Variants in RNF130 observed in about 807,000 individuals in gnomAD.
RNF130 encodes the protein E3 ubiquitin-protein ligase RNF130.
A neutral mutation model predicts 44.6 loss-of-function variants in RNF130; 21 were observed. The ratio of observed to expected loss-of-function variants is 0.47; its 90% CI spans 0.33 to 0.68. RNF130 has a LOEUF of 0.68. Among genes scored for constraint, RNF130 ranks in the 30% least tolerant of loss-of-function variants. The pLI is 0.02. For synonymous variants in RNF130, 214 were observed against 210.4 expected (o/e 1.02, Z -0.15); for missense variants, 479 against 560.6 (o/e 0.85, Z 1.47).
chr5:180,035,143 T>C (rs1211671108), intron 2 of RNF130, among the ~76,000 whole-genome samples: 1 of 152,198 alleles, frequency 6.6e-6, no homozygotes, highest in Admixed American at 6.5e-5. Flanking sequence ...AAAAGTATCT[T>C]TGTTTACTGA....
intron 8 of RNF130, among the ~76,000 whole-genome samples, chr5:179,957,934 G>A (rs1303506403): frequency 2.0e-5 from 3 of 150,740 alleles, no homozygotes; most frequent in Non-Finnish European, 3.0e-5. Flanking sequence ...CTGGAGTGCA[G>A]TGGCGGGATC....
intron 1 of RNF130, among the ~76,000 whole-genome samples, chr5:180,047,770 C>A (rs1383772491): frequency 6.6e-6 from 1 of 152,106 alleles, no homozygotes; most frequent in Non-Finnish European, 1.5e-5. Flanking sequence ...AAATCTCAGG[C>A]CACTCTTTGT....
intron 5 of RNF130, among the ~76,000 whole-genome samples, chr5:179,973,974 C>T (rs1762648184): frequency 6.6e-6 from 1 of 152,164 alleles, no homozygotes; most frequent in Non-Finnish European, 1.5e-5. Flanking sequence ...ATTCAGCGCC[C>T]TCCCCTTTCC....
chr5:180,014,229 T>C (rs1446563667), intron 2 of RNF130, among the ~76,000 whole-genome samples: 3 of 152,224 alleles, frequency 2.0e-5, no homozygotes, highest in African/African-American at 7.2e-5. Flanking sequence ...AGTGAAGGAA[T>C]TGAATACCTC....
intron 7 of RNF130, among the ~76,000 whole-genome samples, chr5:179,927,886 G>C (rs551338880): frequency 2.0e-5 from 3 of 151,998 alleles, no homozygotes; most frequent in Admixed American, 1.3e-4. Flanking sequence ...CACCATGCCC[G>C]GCCTAGCTTT....
exon 8 of RNF130, chr5:179,912,150 T>C (rs751192138): frequency 2.0e-5 from 3 of 152,180 alleles, no homozygotes; most frequent in Non-Finnish European, 1.5e-5. Flanking sequence ...ATGTTGTGCA[T>C]AGTGAGCAGG....
intron 3 of RNF130, among the ~76,000 whole-genome samples, chr5:180,009,450 T>G (rs1033324858): frequency 6.6e-6 from 1 of 152,188 alleles, no homozygotes; most frequent in African/African-American, 2.4e-5. Context: ...GAATGGATAT[T>G]TCACTGAAGA....
At chr5:179,960,341 A>G (rs1762299035) in intron 8 of RNF130, among the ~76,000 whole-genome samples, 1 of 152,258 alleles carries the variant, frequency 6.6e-6, no homozygotes, top group African/African-American at 2.4e-5. Context: ...CAGTGTTAAA[A>G]AAATTTAATG....
chr5:180,020,063 G>A (rs1763837233), intron 2 of RNF130, among the ~76,000 whole-genome samples: 1 of 152,198 alleles, frequency 6.6e-6, no homozygotes, highest in Admixed American at 6.5e-5. Flanking sequence ...GACAGGAAGA[G>A]AGGGGGAGAA....
chr5:179,966,707 G>C (rs1327663267), intron 7 of RNF130, 99 bp downstream of exon 7: 2 of 990,846 alleles, frequency 2.0e-6, no homozygotes, highest in South Asian at 2.9e-5. Flanking sequence ...GTTACAGTCT[G>C]TGTTGCAGGC....
intron 7 of RNF130, among the ~76,000 whole-genome samples, chr5:179,965,110 C>T (rs1484171467): frequency 6.6e-6 from 1 of 152,210 alleles, no homozygotes; most frequent in Non-Finnish European, 1.5e-5. Flanking sequence ...AATTCTGAGT[C>T]TACCATCCCG....
intron 3 of RNF130, 35 bp downstream of exon 3, chr5:180,013,026 G>C (rs776923341): frequency 6.3e-7 from 1 of 1,590,142 alleles, no homozygotes; most frequent in African/African-American, 1.3e-5. Context: ...AACTCTGGCT[G>C]TTACGAACCA....
downstream of RNF130, among the ~76,000 whole-genome samples, chr5:179,950,775 G>T (rs1201061700): frequency 6.6e-6 from 1 of 152,172 alleles, no homozygotes. Context: ...CATTAAGTTA[G>T]TAGAAAGAGT....
In RNF130 at chr5:179,942,636, C is replaced by A. The variant is rs113384829; in HGVS notation, c.1151-22210G>T. Among the ~76,000 whole-genome samples, 59 of 152,266 alleles carry A rather than the reference C, an allele frequency of 3.9e-4. 2 individuals carry two copies. Among genetic ancestry groups the A allele is most frequent in the African/African-American group, 1.3e-3 (52 of 41,558 alleles). ...AGAACAGAATTCTATACAGCAAAGCCATTTAGGAGAAAATTTTCAGGTTAC... is the reference window on the plus strand; with the variant it reads ...AGAACAGAATTCTATACAGCAAAGCAATTTAGGAGAAAATTTTCAGGTTAC... On this transcript the variant is annotated intron_variant, in intron 7 of 7. Transcript: ENST00000522208.
chr5:179,920,244 T>C, exon 8 of RNF130: 1 of 661,734 alleles, frequency 1.5e-6, no homozygotes, highest in Non-Finnish European at 2.8e-6. Flanking sequence ...GACAGGAGAA[T>C]ACAAAATAAG....
intron 3 of RNF130, among the ~76,000 whole-genome samples, chr5:180,003,482 T>G (rs1481374781): frequency 6.6e-6 from 1 of 152,244 alleles, no homozygotes; most frequent in Non-Finnish European, 1.5e-5. Flanking sequence ...CTTCTCTGTG[T>G]TAGGTATTAA....
At chr5:179,981,536 T>G (rs248257) in intron 3 of RNF130, among the ~76,000 whole-genome samples, 72,090 of 152,056 alleles carry the variant, frequency 0.47, 18,270 homozygotes, top group African/African-American at 0.67. Context: ...AGTACTTTAC[T>G]TCTATTTTTC....
intron 3 of RNF130, among the ~76,000 whole-genome samples, chr5:179,998,624 A>T (rs1253288996): frequency 6.6e-6 from 1 of 152,048 alleles, no homozygotes; most frequent in Non-Finnish European, 1.5e-5. Context: ...TTTGTGGCTT[A>T]ACATGTGGCC....
chr5:180,043,320 A>C (rs549506771), intron 1 of RNF130, among the ~76,000 whole-genome samples: 1 of 152,164 alleles, frequency 6.6e-6, no homozygotes, highest in African/African-American at 2.4e-5. Flanking sequence ...GCAAGACTCT[A>C]TCTCTAAAAA....
Sources: allele counts gnomAD v4.1 joint callset (sites outside exome capture counted in the v4.1 genomes callset), GRCh38; gene constraint gnomAD v4.1.1; transcripts MANE v1.5; gene names NCBI Gene and HGNC (gene_info 2026-07-23, HGNC 2026-07-21).